Variants in SYVN1 observed in about 807,000 individuals in gnomAD.
SYVN1 encodes synoviolin 1.
In SYVN1, 17 loss-of-function variants were observed where a neutral mutation model predicts 62.6. The ratio of observed to expected loss-of-function variants is 0.27; its 90% CI spans 0.19 to 0.41. The LOEUF is 0.41. Among genes scored for constraint, SYVN1 ranks in the 10% least tolerant of loss-of-function variants. SYVN1 has a pLI of 1.00. For missense variants in SYVN1, 634 were observed against 818.0 expected (o/e 0.78, Z 2.74); for synonymous variants, 316 against 304.0 (o/e 1.04, Z -0.41).
chr11:65,130,353 GA>G lies in SYVN1; in HGVS notation c.1131del (p.Pro378LeufsTer107). ...PNFPQGLLPP[F>X]PPGMFPLWPP... Reference sequence around the variant, plus strand: ...GGCCACAGTGGGAACATGCCTGGAGGAAAAGGAGGCAGGAGGCCCTGGGGGA... The same window carrying G: ...GGCCACAGTGGGAACATGCCTGGAGGAAAGGAGGCAGGAGGCCCTGGGGGA... On this transcript the variant is annotated frameshift_variant, in exon 12 of 16. Coordinates refer to ENST00000377190, the MANE Select transcript of SYVN1 (RefSeq NM_172230.3). LOFTEE classifies it high-confidence loss of function. The G allele has an allele frequency of 1.3e-6, 2 of 1,549,738 alleles. No homozygotes were observed. The highest frequency in any genetic ancestry group is 2.3e-5 in the East Asian group (1 of 44,186).
intron 3 of SYVN1, 30 bp downstream of exon 3, chr11:65,133,130 C>T: frequency 6.2e-7 from 1 of 1,614,144 alleles, no homozygotes; most frequent in Non-Finnish European, 8.5e-7. Context: ...CAGCACCCTG[C>T]CCTCACCTTT....
In SYVN1 at chr11:65,128,559, C is replaced by G. The variant is rs752945518; in HGVS notation, c.1747+4G>C. Reference sequence around the variant, plus strand: ...TCCCCCGGCTGGAGGCCAATCACACCTACCTGGAGGCCTTTCCATTTCAGG... The same window carrying G: ...TCCCCCGGCTGGAGGCCAATCACACGTACCTGGAGGCCTTTCCATTTCAGG... On this transcript the variant is annotated splice_donor_region_variant and intron_variant, in intron 15 of 15. Coordinates refer to ENST00000377190, the MANE Select transcript of SYVN1 (RefSeq NM_172230.3). 4 of 1,613,890 alleles carry G rather than the reference C, an allele frequency of 2.5e-6. No individual in the cohort carries two copies. The highest frequency in any genetic ancestry group is 3.4e-6 in the Non-Finnish European group (4 of 1,179,890).
chr11:65,131,241 G>A, intron 8 of SYVN1, 33 bp downstream of exon 8: 2 of 1,613,920 alleles, frequency 1.2e-6, no homozygotes, highest in South Asian at 2.2e-5. Flanking sequence ...ACGGGATCAG[G>A]TCAGGAGGAT....
chr11:65,130,282 T>A lies in SYVN1; in HGVS notation c.1203A>T (p.Gly401=), dbSNP rs780297040. 5.0e-6 allele frequency: 8 copies of A among 1,601,306 alleles called. No homozygotes were observed. Among genetic ancestry groups the A allele is most frequent in the Non-Finnish European group, 6.8e-6 (8 of 1,173,602 alleles). The stretch of plus-strand genomic sequence containing the variant: ...TGGTGGATGGAGGAGCCACAGCCTC[T>A]CCTGAGCTGGGGGGAGGCGGGACAG... The part of the protein sequence containing the change: ...FPPVPPPPSS[G]EAVAPPSTSA... The change falls in exon 12 of 16, where the codon GGA becomes GGT. Residue 401 remains glycine (G), a synonymous_variant. Coordinates refer to ENST00000377190, the MANE Select transcript of SYVN1 (RefSeq NM_172230.3).
Position 65,131,606 on chromosome 11 carries a change from G to A in SYVN1, c.532-10C>T, listed in dbSNP as rs752485427. 2.0e-5 allele frequency: 32 copies of A among 1,612,082 alleles called. No individual in the cohort carries two copies. The highest frequency in any genetic ancestry group is 2.5e-5 in the Non-Finnish European group (29 of 1,179,866). ...TCATCAGGATGGCATACTGAAGGGAGAGGGGGACGAGGGGGATGTAAACAC... is the reference window on the plus strand; with the variant it reads ...TCATCAGGATGGCATACTGAAGGGAAAGGGGGACGAGGGGGATGTAAACAC... On this transcript the variant is annotated splice_polypyrimidine_tract_variant and intron_variant, in intron 6 of 15. Transcript: ENST00000377190.
chr11:65,132,645 C>T, intron 5 of SYVN1, 87 bp downstream of exon 5: 1 of 1,410,458 alleles, frequency 7.1e-7, no homozygotes, highest in Non-Finnish European at 1.0e-6. Context: ...CTTTCCTGTA[C>T]AGCTGTGGGG....
In SYVN1 at chr11:65,129,801, C is replaced by G. The variant is rs150935409; in HGVS notation, c.1523G>C (p.Arg508Pro). The G allele has an allele frequency of 1.9e-6, 3 of 1,614,242 alleles. No homozygotes were observed. Among genetic ancestry groups the G allele is most frequent in the Non-Finnish European group, 2.5e-6 (3 of 1,180,040 alleles). Residue 508 changes from arginine (R) to proline (P), a missense_variant, in exon 14 of 16, where the codon CGT (arginine) becomes CCT (proline). This residue lies in a region of SYVN1 where 351 missense variants were observed against 373.3 expected (regional missense o/e 0.94). Transcript: ENST00000377190. ...QHLEARLQSL[R>P]NIHTLLDAAM... is the part of the protein sequence containing the mutation. ...GGCGTCCAGCAGTGTGTGGATGTTA[C>G]GCAGGCTCTGCAGCCGGGCCTCCAG...
Position 65,133,058 on chromosome 11 carries a change from G to A in SYVN1, c.242C>T (p.Ser81Phe). Residue 81 changes from serine (S) to phenylalanine (F), a missense_variant, in exon 4 of 16, where the codon TCC becomes TTC. Physicochemically the swap from Ser to Phe is radical, Grantham distance 155. Transcript: ENST00000377190. ...ACAAGTCTCTGTGACGGCGTACCAG[G>A]AACGTTCCAGAAGGTGCTGGGGGCC... is the stretch of plus-strand genomic sequence containing the variant. Reference protein sequence around the residue: ...AAEMEHLLERSWYAVTETCLA... With the variant: ...AAEMEHLLERFWYAVTETCLA... 1.2e-6 allele frequency: 2 copies of A among 1,614,242 alleles called. No individual in the cohort carries two copies. Among genetic ancestry groups the A allele is most frequent in the Non-Finnish European group, 1.7e-6 (2 of 1,180,046 alleles).
chr11:65,129,443 A>T lies in SYVN1; in HGVS notation c.1595+286T>A, dbSNP rs573814594. 1.6e-5 allele frequency: 6 copies of T among 364,134 alleles called. No individual in the cohort carries two copies. The East Asian group carries it at 2.6e-4, about 16-fold the overall frequency. 22.6% of individuals were successfully genotyped at this position (364,134 alleles called of 1,614,324 possible). ...TCAGAAGAATATCATGTGATGAACTAAAGCACTGCAAATTCTGAATAATTT... is the reference window on the plus strand; with the variant it reads ...TCAGAAGAATATCATGTGATGAACTTAAGCACTGCAAATTCTGAATAATTT... On this transcript the variant is annotated intron_variant, in intron 14 of 15. Coordinates refer to ENST00000377190, the MANE Select transcript of SYVN1 (RefSeq NM_172230.3).
chr11:65,129,593 T>C, intron 14 of SYVN1, 136 bp downstream of exon 14: 1 of 757,680 alleles, frequency 1.3e-6, no homozygotes, highest in Non-Finnish European at 2.2e-6. Flanking sequence ...CAAGAACTCC[T>C]GGAGACCCTT....
intron 1 of SYVN1, among the ~76,000 whole-genome samples, chr11:65,134,021 G>A (rs1194886760): frequency 1.1e-4 from 16 of 152,272 alleles, no homozygotes; most frequent in Admixed American, 1.0e-3. Flanking sequence ...AGGGCTGAGA[G>A]CAGCCAAGGC....
chr11:65,131,010 A>C lies in SYVN1; in HGVS notation c.851T>G (p.Leu284Arg). The C allele has an allele frequency of 6.2e-7, 1 of 1,614,080 alleles. No individual in the cohort carries two copies. The highest frequency in any genetic ancestry group is 8.5e-7 in the Non-Finnish European group (1 of 1,180,020). ...GATGCAGACATTGTCCATTGCCTGG[A>C]GCTCCTCTGGGGTGGCATCTGGATA... The part of the protein sequence containing the change: ...TLYPDATPEE[L>R]QAMDNVCIIC... The change falls in exon 10 of 16, where the codon CTC becomes CGC. Residue 284 changes from leucine (L) to arginine (R), a missense_variant. Transcript: ENST00000377190.
chr11:65,130,734 G>A lies in SYVN1; in HGVS notation c.1031C>T (p.Pro344Leu). 1 of 1,530,030 alleles carries A rather than the reference G, an allele frequency of 6.5e-7. No homozygotes were observed. Among genetic ancestry groups the A allele is most frequent in the South Asian group, 1.3e-5 (1 of 77,246 alleles). The allele number at this position is 1,530,030 out of a possible 1,614,324, so 94.8% of individuals were successfully genotyped here. A position where few individuals can be genotyped will look rare whatever the true frequency, so the allele number is the denominator to read the frequency against. ...CCCCTGATCCGCAGGCTCCGGGGGT[G>A]GTGGTGACTGCGCTGGCAGCGATGC... ...LRASLPAQSP[P>L]PPEPADQGPP... The change falls in exon 11 of 16, where the codon CCA becomes CTA. Residue 344 changes from proline to leucine, a missense_variant. Coordinates refer to ENST00000377190, the MANE Select transcript of SYVN1 (RefSeq NM_172230.3).
intron 2 of SYVN1, 52 bp from the exon 3 acceptor site, chr11:65,133,304 T>G: frequency 6.3e-7 from 1 of 1,598,670 alleles, no homozygotes; most frequent in Non-Finnish European, 8.6e-7. Flanking sequence ...TTTCCTCTCC[T>G]TGGGACTCAT....
At chr11:65,132,226 C>T (rs1242042137) in intron 6 of SYVN1, 22 bp downstream of exon 6, 2 of 1,594,642 alleles carry the variant, frequency 1.3e-6, no homozygotes, top group East Asian at 2.2e-5. Flanking sequence ...CTTGTCCTCT[C>T]AACCTCCCAA....
Position 65,132,270 on chromosome 11 carries a change from A to G in SYVN1, c.509T>C (p.Val170Ala), listed in dbSNP as rs1401213351. The change falls in exon 6 of 16, where the codon GTG becomes GCG. Residue 170 changes from valine (V) to alanine (A), a missense_variant. Transcript: ENST00000377190. ...TACCTCAAAGCCAAACACCAGCTGC[A>G]CAGAGGCCCCACGGGTCAGGATGCT... ...YHSILTRGAS[V>A]QLVFGFEYAI... The G allele has an allele frequency of 1.2e-6, 2 of 1,614,044 alleles. No individual in the cohort carries two copies. Among genetic ancestry groups the G allele is most frequent in the Non-Finnish European group, 1.7e-6 (2 of 1,179,914 alleles).
In SYVN1 at chr11:65,132,757, G is replaced by A; in HGVS notation, c.402C>T (p.Ser134=). 2 of 1,614,206 alleles carry A rather than the reference G, an allele frequency of 1.2e-6. No homozygotes were observed. The highest frequency in any genetic ancestry group is 8.5e-7 in the Non-Finnish European group (1 of 1,180,030). The change falls in exon 5 of 16, where the codon TCC becomes TCT. Residue 134 remains serine, a synonymous_variant. Coordinates refer to ENST00000377190, the MANE Select transcript of SYVN1 (RefSeq NM_172230.3). ...AGACAATGCGGCAGTGAAAGAGCCA[G>A]GAGATGTTGGGGCTGCGTTCCATCT... The part of the protein sequence containing the change: ...VDFMERSPNI[S]WLFHCRIVSL...
chr11:65,128,065 TCTC>T lies in SYVN1; in HGVS notation c.*314_*316del. 2.0e-6 allele frequency: 1 copy of T among 489,460 alleles called. No homozygotes were observed. The highest frequency in any genetic ancestry group is 3.7e-6 in the Non-Finnish European group (1 of 271,818). The allele number at this position is 489,460 out of a possible 1,614,324, so 30.3% of individuals were successfully genotyped here. A position where few individuals can be genotyped will look rare whatever the true frequency, so the allele number is the denominator to read the frequency against. On this transcript the variant is annotated 3_prime_UTR_variant, in exon 16 of 16. Transcript: ENST00000377190. ...AGTAGGGCTTGGAGGGGCAGCCCCT[TCTC>T]CTGGAAAGGGGTGGGGGAAGAAGAG...
At chr11:65,129,510 C>T in intron 14 of SYVN1, 1 of 510,876 alleles carries the variant, frequency 2.0e-6, no homozygotes, top group South Asian at 3.5e-5. Flanking sequence ...AAAGTCAGCT[C>T]TCGAATAAAC....
Sources: gnomAD v4.1 joint callset for allele counts (sites outside exome capture counted in the v4.1 genomes callset) on GRCh38, gnomAD v4.1.1 for gene constraint, gnomAD v4.1.1 regional missense constraint, MANE v1.5 for transcripts, NCBI Gene and HGNC (gene_info 2026-07-23, HGNC 2026-07-21) for gene names.